Variants in OR51B5 observed in about 807,000 individuals in gnomAD.
The protein encoded by OR51B5 is olfactory receptor family 51 subfamily B member 5.
For missense variants in OR51B5, 456 were observed against 374.6 expected, an observed-to-expected ratio of 1.22 and a Z score of -1.79; for synonymous variants, 186 against 144.8, an observed-to-expected ratio of 1.28 and a Z score of -2.04.
intron 1 of OR51B5, among the ~76,000 whole-genome samples, chr11:5,356,207 CA>C (rs548370340): frequency 6.6e-6 from 1 of 151,934 alleles, no homozygotes; most frequent in African/African-American, 2.4e-5. Flanking sequence ...GAACCCATGG[CA>C]AAAAAGTTAA....
chr11:5,365,800 G>A (rs7112862), intron 1 of OR51B5, among the ~76,000 whole-genome samples: 2 of 152,118 alleles, frequency 1.3e-5, no homozygotes, highest in African/African-American at 4.8e-5. Flanking sequence ...TACCCACATT[G>A]TCTAGCACAT....
chr11:5,461,756 T>C (rs1339009398), intron 1 of OR51B5, among the ~76,000 whole-genome samples: 1 of 152,024 alleles, frequency 6.6e-6, no homozygotes, highest in Non-Finnish European at 1.5e-5. Flanking sequence ...GTGGCAAGAG[T>C]GGGTCACTAC....
At chr11:5,478,791 C>T (rs1177873513) in intron 1 of OR51B5, among the ~76,000 whole-genome samples, 10 of 150,432 alleles carry the variant, frequency 6.6e-5, no homozygotes, top group Non-Finnish European at 1.0e-4. Context: ...TGAAATGAAG[C>T]GTGAAGGGAA....
At chr11:5,414,435 T>C (rs1158569648) in intron 1 of OR51B5, among the ~76,000 whole-genome samples, 3 of 150,888 alleles carry the variant, frequency 2.0e-5, no homozygotes, top group Non-Finnish European at 4.4e-5. Flanking sequence ...CATAACAATA[T>C]TAACTTTAAA....
At chr11:5,366,726 G>C (rs1158333186) in intron 1 of OR51B5, among the ~76,000 whole-genome samples, 1 of 151,694 alleles carries the variant, frequency 6.6e-6, no homozygotes, top group African/African-American at 2.4e-5. Context: ...GAAAGGAAAG[G>C]AAAGAAGGAA....
intron 1 of OR51B5, among the ~76,000 whole-genome samples, chr11:5,499,921 T>G (rs1167866952): frequency 6.6e-6 from 1 of 152,222 alleles, no homozygotes; most frequent in Non-Finnish European, 1.5e-5. Flanking sequence ...GTGGTCCTGA[T>G]AATACAGTAA....
At chr11:5,479,472 G>A (rs1326701449) in intron 1 of OR51B5, among the ~76,000 whole-genome samples, 100 of 150,880 alleles carry the variant, frequency 6.6e-4, no homozygotes, top group Admixed American at 1.7e-3. Context: ...AAAATCACCA[G>A]CTAACATCAT....
Position 5,357,430 on chromosome 11 carries a change from C to G in OR51B5, n.85-10520G>C, listed in dbSNP as rs186170297. 5.2e-3 allele frequency among the ~76,000 whole-genome samples: 791 copies of G among 151,200 alleles called. 7 individuals carry two copies. Among genetic ancestry groups the G allele is most frequent in the African/African-American group, 0.018 (741 of 41,058 alleles). On this transcript the variant is annotated intron_variant and non_coding_transcript_variant, in intron 1 of 4. Transcript: ENST00000415970. ...CAATTCAACAAGAAGAGCTAACTAT[C>G]CTAAACATATATGCACCCAATACAG...
chr11:5,396,427 C>T (rs764300018), intron 1 of OR51B5, among the ~76,000 whole-genome samples: 2 of 152,144 alleles, frequency 1.3e-5, no homozygotes, highest in African/African-American at 2.4e-5. Flanking sequence ...ACACCAATAA[C>T]AGACAAACAG....
chr11:5,445,810 G>A (rs544003525), intron 1 of OR51B5, among the ~76,000 whole-genome samples: 59 of 151,964 alleles, frequency 3.9e-4, no homozygotes, highest in Admixed American at 1.1e-3. Context: ...ACTATTTATG[G>A]AGAAGTGTGT....
intron 1 of OR51B5, among the ~76,000 whole-genome samples, chr11:5,361,008 G>GGGGGA (rs1849276128): frequency 3.4e-5 from 5 of 146,796 alleles, no homozygotes; most frequent in Non-Finnish European, 4.5e-5. Flanking sequence ...GGGTCGGGGG[G>GGGGGA]AGGGATAGCA....
At chr11:5,366,681 A>G (rs910108131) in intron 1 of OR51B5, among the ~76,000 whole-genome samples, 5 of 151,516 alleles carry the variant, frequency 3.3e-5, no homozygotes, top group Admixed American at 6.6e-5. Context: ...GAAGAAGAAG[A>G]AGAAGGAGAA....
Position 5,476,047 on chromosome 11 carries a change from G to C in OR51B5, n.84+29522C>G, listed in dbSNP as rs557568961. ...GCCTCACATAAAATCCTCATAAAGT[G>C]ATTTACTCACTTTTCTACCTTAATT... On this transcript the variant is annotated intron_variant and non_coding_transcript_variant, in intron 1 of 4. Coordinates refer to the OR51B5 transcript ENST00000415970. 2.8e-3 allele frequency among the ~76,000 whole-genome samples: 419 copies of C among 152,224 alleles called. 1 individual carries two copies. Among genetic ancestry groups the C allele is most frequent in the African/African-American group, 9.7e-3 (403 of 41,532 alleles).
In OR51B5 at chr11:5,358,924, C is replaced by T. The variant is rs1849236142; in HGVS notation, n.85-12014G>A. On this transcript the variant is annotated intron_variant and non_coding_transcript_variant, in intron 1 of 4. Transcript: ENST00000415970. Reference sequence around the variant, plus strand: ...ATTATCTCAATAGATGCAGAAAAGGCCTTTGACAAAATTCAACAACCCTTC... The same window carrying T: ...ATTATCTCAATAGATGCAGAAAAGGTCTTTGACAAAATTCAACAACCCTTC... Among the ~76,000 whole-genome samples the T allele has an allele frequency of 2.0e-5, 3 of 151,700 alleles. No homozygotes were observed. In the South Asian group the frequency reaches 6.3e-4, roughly 32 times the overall value.
intron 1 of OR51B5, chr11:5,441,398 G>C: frequency 1.2e-6 from 2 of 1,613,858 alleles, no homozygotes; most frequent in Non-Finnish European, 1.7e-6. Context: ...CTACAATGGA[G>C]ATCATGTAGA....
In OR51B5 at chr11:5,357,793, C is replaced by T. The variant is rs960431554; in HGVS notation, n.85-10883G>A. Among the ~76,000 whole-genome samples the T allele has an allele frequency of 4.2e-3, 630 of 151,374 alleles. 4 individuals carry two copies. Among genetic ancestry groups the T allele is most frequent in the African/African-American group, 0.015 (605 of 41,164 alleles). On this transcript the variant is annotated intron_variant and non_coding_transcript_variant, in intron 1 of 4. Transcript: ENST00000415970. Reference sequence around the variant, plus strand: ...GAACAGAAATTATAACAAACTGTCTCTCAGACCACAGTGCAATCAAACTAG... The same window carrying T: ...GAACAGAAATTATAACAAACTGTCTTTCAGACCACAGTGCAATCAAACTAG...
chr11:5,414,569 A>T (rs1850206249), intron 1 of OR51B5, among the ~76,000 whole-genome samples: 1 of 151,426 alleles, frequency 6.6e-6, no homozygotes, highest in African/African-American at 2.4e-5. Context: ...ATAGGCTCAA[A>T]ATAAAAGGAT....
At chr11:5,423,188 A>G in intron 1 of OR51B5, 1 of 1,532,942 alleles carries the variant, frequency 6.5e-7, no homozygotes, top group Non-Finnish European at 8.8e-7. Context: ...GACAAGTATG[A>G]GTCATAGGCT....
intron 1 of OR51B5, among the ~76,000 whole-genome samples, chr11:5,398,102 A>C (rs1849908112): frequency 6.6e-6 from 1 of 152,202 alleles, no homozygotes; most frequent in Admixed American, 6.5e-5. Context: ...CCTAATGTTA[A>C]ATGGTGAGTT....
Sources: gnomAD v4.1 joint callset for allele counts (sites outside exome capture counted in the v4.1 genomes callset) on GRCh38, gnomAD v4.1.1 for gene constraint, MANE v1.5 for transcripts, NCBI Gene and HGNC (gene_info 2026-07-23, HGNC 2026-07-21) for gene names.